The following KCTD8 variants were observed in gnomAD, a reference collection of about 807,000 sequenced individuals.
KCTD8 encodes the protein potassium channel tetramerization domain containing 8.
KCTD8 carries 27 observed loss-of-function variants against 31.5 expected under a neutral mutation model. The ratio of observed to expected loss-of-function variants is 0.86; its 90% CI spans 0.63 to 1.18. The LOEUF is 1.18. KCTD8 is among the 50% of genes most tolerant of loss of function. The pLI is 0.00. For synonymous variants in KCTD8, 290 were observed against 280.0 expected (o/e 1.04, Z -0.36); for missense variants, 658 against 647.7 (o/e 1.02, Z -0.17).
chr4:44,227,886 T>G (rs1715010310), intron 1 of KCTD8, among the ~76,000 whole-genome samples: 1 of 152,180 alleles, frequency 6.6e-6, no homozygotes, highest in African/African-American at 2.4e-5. Flanking sequence ...ACCGTCCTAT[T>G]TATTCTAATA....
At chr4:44,342,927 C>A (rs1041211636) in intron 1 of KCTD8, among the ~76,000 whole-genome samples, 1 of 152,216 alleles carries the variant, frequency 6.6e-6, no homozygotes. Flanking sequence ...TAAATAAGGG[C>A]CTTGCTCTGG....
intron 1 of KCTD8, among the ~76,000 whole-genome samples, chr4:44,258,649 T>G (rs1408054226): frequency 6.6e-6 from 1 of 151,952 alleles, no homozygotes; most frequent in Non-Finnish European, 1.5e-5. Context: ...ACTGTTTTCC[T>G]TAACATTTAA....
At chr4:44,299,654 A>C (rs1346876954) in intron 1 of KCTD8, among the ~76,000 whole-genome samples, 1 of 151,886 alleles carries the variant, frequency 6.6e-6, no homozygotes, top group African/African-American at 2.4e-5. Context: ...CTTGAACCAG[A>C]AAGTCTGAGA....
chr4:44,351,041 C>G (rs551081586), intron 1 of KCTD8, among the ~76,000 whole-genome samples: 1 of 152,124 alleles, frequency 6.6e-6, no homozygotes, highest in Non-Finnish European at 1.5e-5. Context: ...TTTAGATCCT[C>G]GGCTTCCCTG....
rs558518351 is a variant in KCTD8 at position 44,326,153 on chromosome 4, T to C, written c.961+121410A>G. ...TTGTTTGTTTTAGTCATGGAATAGA[T>C]CAATGAATCTTCTATGTTAAAAGCA... On this transcript the variant is annotated intron_variant, in intron 1 of 1. Transcript: ENST00000360029. 2.6e-5 allele frequency among the ~76,000 whole-genome samples: 4 copies of C among 152,066 alleles called. No individual in the cohort carries two copies. The South Asian group carries it at 8.3e-4, about 31-fold the overall frequency.
chr4:44,204,053 A>G (rs1714230852), intron 1 of KCTD8, among the ~76,000 whole-genome samples: 1 of 152,096 alleles, frequency 6.6e-6, no homozygotes, highest in Admixed American at 6.5e-5. Context: ...GCAGCTCATC[A>G]TTCTGAAATA....
chr4:44,313,109 C>T (rs937432270), intron 1 of KCTD8, among the ~76,000 whole-genome samples: 2 of 152,076 alleles, frequency 1.3e-5, no homozygotes, highest in Non-Finnish European at 2.9e-5. Context: ...CCTGCTGTGC[C>T]CAGAGAAGGA....
intron 1 of KCTD8, among the ~76,000 whole-genome samples, chr4:44,259,079 T>C (rs1363291486): frequency 1.3e-5 from 2 of 151,938 alleles, no homozygotes; most frequent in African/African-American, 4.8e-5. Context: ...GAAACTTGTC[T>C]TGGAAGGCAA....
At chr4:44,320,272 C>T (rs73815009) in intron 1 of KCTD8, among the ~76,000 whole-genome samples, 4,436 of 150,958 alleles carry the variant, frequency 0.029, 234 homozygotes, top group African/African-American at 0.1. Context: ...CCCATCCCTT[C>T]CTACACTATC....
At chr4:44,186,471 G>C (rs2109332780) in intron 1 of KCTD8, among the ~76,000 whole-genome samples, 1 of 152,310 alleles carries the variant, frequency 6.6e-6, no homozygotes, top group South Asian at 2.1e-4. Flanking sequence ...AAAGCCCTCT[G>C]TCCTTGCGAT....
At chr4:44,281,079 G>A (rs916455818) in intron 1 of KCTD8, among the ~76,000 whole-genome samples, 6 of 151,558 alleles carry the variant, frequency 4.0e-5, no homozygotes, top group African/African-American at 7.3e-5. Flanking sequence ...CAAGAGAAGT[G>A]AAGGAATTTG....
rs529236557 is a variant in KCTD8, at chr4:44,256,177, T to A, written c.962-80927A>T. Among the ~76,000 whole-genome samples the A allele has an allele frequency of 8.6e-5, 13 of 151,856 alleles. No individual in the cohort carries two copies. The South Asian group carries it at 2.7e-3, about 32-fold the overall frequency. On this transcript the variant is annotated intron_variant, in intron 1 of 1. Transcript: ENST00000360029. ...ACATTATTCAATTACCTCCCACCAG[T>A]CCCTCCCACGACGTGAGAATTATGA...
At chr4:44,338,955 G>A (rs1354262949) in intron 1 of KCTD8, among the ~76,000 whole-genome samples, 3 of 152,056 alleles carry the variant, frequency 2.0e-5, no homozygotes, top group Admixed American at 2.0e-4. Flanking sequence ...TTCTGAACAG[G>A]AAAGCACATT....
intron 1 of KCTD8, among the ~76,000 whole-genome samples, chr4:44,432,081 T>A (rs1348601220): frequency 6.6e-6 from 1 of 151,584 alleles, no homozygotes; most frequent in Non-Finnish European, 1.5e-5. Context: ...TTTATCCTTA[T>A]TAAAACATTT....
intron 1 of KCTD8, among the ~76,000 whole-genome samples, chr4:44,327,311 A>G (rs1718475852): frequency 6.6e-6 from 1 of 151,862 alleles, no homozygotes; most frequent in Admixed American, 6.6e-5. Flanking sequence ...TACACATACT[A>G]GTCTCAGAAT....
chr4:44,185,682 G>A (rs567153562), intron 1 of KCTD8, among the ~76,000 whole-genome samples: 3 of 150,980 alleles, frequency 2.0e-5, no homozygotes, highest in South Asian at 2.1e-4. Flanking sequence ...AGCCTAATCC[G>A]TATGTTGCTT....
In KCTD8 at chr4:44,448,616, T is replaced by C; in HGVS notation, c.-93A>G. ...AGCCCTCCGCGTGCTCCTGGCGCTC[T>C]GCGCCCTCGGACTGGGCGGCGCGTT... On this transcript the variant is annotated 5_prime_UTR_variant, in exon 1 of 2. Coordinates refer to ENST00000360029, the MANE Select transcript of KCTD8 (RefSeq NM_198353.3). This position sits in a 1 kb window ranked among gnomAD's most constrained non-coding sequence, Gnocchi z 4.1. The C allele has an allele frequency of 7.8e-7, 1 of 1,282,150 alleles. No individual in the cohort carries two copies. Among genetic ancestry groups the C allele is most frequent in the East Asian group, 3.0e-5 (1 of 32,984 alleles). 79.4% of individuals were successfully genotyped at this position (1,282,150 alleles called of 1,614,324 possible).
intron 1 of KCTD8, among the ~76,000 whole-genome samples, chr4:44,204,063 ATACAT>A (rs1280742143): frequency 6.6e-6 from 1 of 152,090 alleles, no homozygotes; most frequent in Non-Finnish European, 1.5e-5. Context: ...ATTCTGAAAT[ATACAT>A]TACATTATCA....
rs541024830 is a variant in KCTD8, at chr4:44,357,109, AAAAC to A, written c.961+90450_961+90453del. Among the ~76,000 whole-genome samples, 71 of 152,134 alleles carry A rather than the reference AAAAC, an allele frequency of 4.7e-4. 1 individual carries two copies. The South Asian group carries it at 0.014, about 31-fold the overall frequency. On this transcript the variant is annotated intron_variant, in intron 1 of 1. Transcript: ENST00000360029. Reference sequence around the variant, plus strand: ...TGAGGCAAAAAAAAAAAAACCCTTCAAAACAAACATATAGTTAAAATTTACATCA... The same window carrying A: ...TGAGGCAAAAAAAAAAAAACCCTTCAAAACATATAGTTAAAATTTACATCA...
Sources: gnomAD v4.1 joint callset for allele counts (sites outside exome capture counted in the v4.1 genomes callset) on GRCh38, gnomAD v4.1.1 for gene constraint, Gnocchi (gnomAD v3.1) non-coding constraint, MANE v1.5 for transcripts, NCBI Gene and HGNC (gene_info 2026-07-23, HGNC 2026-07-21) for gene names.